PHLPP2: variants seen among roughly 807,000 people sequenced by gnomAD.
PHLPP2 encodes PH domain leucine-rich repeat-containing protein phosphatase 2.
PHLPP2 carries 66 observed loss-of-function variants against 124.9 expected under a neutral mutation model. The ratio of observed to expected loss-of-function variants is 0.53; its 90% CI spans 0.43 to 0.65. PHLPP2 has a LOEUF of 0.65. Among genes scored for constraint, PHLPP2 ranks in the 30% least tolerant of loss-of-function variants. The probability of loss-of-function intolerance (pLI) is 0.00; values close to 1 mark genes in which losing one functional copy is unlikely to be tolerated. For synonymous variants in PHLPP2, 681 were observed against 624.7 expected, an observed-to-expected ratio of 1.09 and a Z score of -1.34; for missense variants, 1,685 against 1,600.4, an observed-to-expected ratio of 1.05 and a Z score of -0.90.
rs1432420156 is a variant in PHLPP2 at position 71,649,481 on chromosome 16, C to A, written c.3381G>T (p.Gly1127=). The A allele has an allele frequency of 6.2e-7, 1 of 1,613,982 alleles. No individual in the cohort carries two copies. The highest frequency in any genetic ancestry group is 8.5e-7 in the Non-Finnish European group (1 of 1,180,030). ...CAGAAGAAGGCTGGCGCTGAAACAG[C>A]CCAGAGGTGGGTGTTGGGTGGAGGC... ...RCSLHPTPTS[G]LFQRQPSSAT... is the part of the protein sequence containing the mutation. Residue 1127 remains glycine, a synonymous_variant, in exon 19 of 19, where the codon GGG becomes GGT. Transcript: ENST00000568954.
At position 71,658,813 on chromosome 16, in the gene PHLPP2, T is replaced by G. The variant is rs2044763520; in HGVS notation, c.1988A>C (p.Lys663Thr). ...NNQLQTFPAS[K>T]LNKLEQLEEL... ...CTCCAATTGCTCCAATTTATTTAGT[T>G]TGCTGAAAAAGAAACAACAGAATAC... is the stretch of plus-strand genomic sequence containing the variant. Residue 663 changes from lysine (K) to threonine (T), a missense_variant and splice_region_variant, in exon 14 of 19, where the codon AAA becomes ACA. Physicochemically the swap from Lys to Thr is moderately conservative, Grantham distance 78. Transcript: ENST00000568954. 1 of 1,613,760 alleles carries G rather than the reference T, an allele frequency of 6.2e-7. No individual in the cohort carries two copies. The highest frequency in any genetic ancestry group is 1.1e-5 in the South Asian group (1 of 91,074).
chr16:71,709,801 T>C (rs2045311693), intron 2 of PHLPP2, among the ~76,000 whole-genome samples: 1 of 152,132 alleles, frequency 6.6e-6, no homozygotes, highest in South Asian at 2.1e-4. Flanking sequence ...GACAGGAAAA[T>C]CCTTGGCTGT....
intron 2 of PHLPP2, among the ~76,000 whole-genome samples, chr16:71,703,095 T>A (rs1168388168): frequency 6.6e-6 from 1 of 152,224 alleles, no homozygotes; most frequent in Non-Finnish European, 1.5e-5. Flanking sequence ...TCCATCCATG[T>A]TGCTACATTA....
chr16:71,685,788 A>C (rs1214934271), intron 4 of PHLPP2, among the ~76,000 whole-genome samples: 11 of 152,236 alleles, frequency 7.2e-5, no homozygotes, highest in African/African-American at 2.7e-4. Flanking sequence ...ATACTGAGAC[A>C]GATCTGTAAA....
chr16:71,648,858 A>T lies in PHLPP2; in HGVS notation c.*32T>A. ...GCAAGTCCCTACCCCAACCCTGCAC[A>T]GCCTCCTCCCACACTGTGCCCAGTG... On this transcript the variant is annotated 3_prime_UTR_variant, in exon 19 of 19. Transcript: ENST00000568954. The T allele has an allele frequency of 6.5e-7, 1 of 1,540,560 alleles. No individual in the cohort carries two copies. The highest frequency in any genetic ancestry group is 8.9e-7 in the Non-Finnish European group (1 of 1,118,768).
chr16:71,653,718 T>C (rs892089554), intron 17 of PHLPP2, among the ~76,000 whole-genome samples: 2 of 152,198 alleles, frequency 1.3e-5, no homozygotes, highest in Admixed American at 1.3e-4. Flanking sequence ...TTGCTACAAT[T>C]CCTGGCTTGA....
intron 2 of PHLPP2, among the ~76,000 whole-genome samples, chr16:71,705,110 A>G (rs1433835725): frequency 1.3e-5 from 2 of 152,208 alleles, no homozygotes; most frequent in African/African-American, 4.8e-5. Flanking sequence ...GCCTCTCAGA[A>G]CTGTTCAGAG....
intron 3 of PHLPP2, among the ~76,000 whole-genome samples, chr16:71,692,109 G>A (rs989616937): frequency 4.0e-5 from 6 of 151,498 alleles, no homozygotes; most frequent in African/African-American, 1.2e-4. Flanking sequence ...TTGCTCTGTC[G>A]CCCAGGTTGG....
At chr16:71,690,883 G>A (rs2045105054) in intron 3 of PHLPP2, among the ~76,000 whole-genome samples, 174 bp from the exon 4 acceptor site, 1 of 152,190 alleles carries the variant, frequency 6.6e-6, no homozygotes, top group Admixed American at 6.5e-5. Context: ...ATATACAGTA[G>A]GAGTACCTTT....
intron 9 of PHLPP2, among the ~76,000 whole-genome samples, chr16:71,674,874 G>A (rs1242849230): frequency 6.6e-6 from 1 of 152,152 alleles, no homozygotes; most frequent in Non-Finnish European, 1.5e-5. Flanking sequence ...GCACACTCCT[G>A]TAATCCCAGC....
chr16:71,684,889 T>G lies in PHLPP2; in HGVS notation c.610-288A>C, dbSNP rs369820291. Among the ~76,000 whole-genome samples, 73 of 152,182 alleles carry G rather than the reference T, an allele frequency of 4.8e-4. 3 individuals carry two copies. In the South Asian group the frequency reaches 0.014, roughly 29 times the overall value. On this transcript the variant is annotated intron_variant, in intron 4 of 18. Transcript: ENST00000568954. ...GTCAGGAAGCAGGATACCAGTCCACTATGTCCCCCTTACTGCACGGAACTC... is the reference window on the plus strand; with the variant it reads ...GTCAGGAAGCAGGATACCAGTCCACGATGTCCCCCTTACTGCACGGAACTC...
intron 2 of PHLPP2, among the ~76,000 whole-genome samples, chr16:71,707,553 A>G (rs560688943): frequency 6.6e-6 from 1 of 152,248 alleles, no homozygotes; most frequent in Non-Finnish European, 1.5e-5. Context: ...TCATGAGGTC[A>G]AAGATTCAAC....
chr16:71,701,265 CATCTATCT>C (rs61251526), intron 3 of PHLPP2, among the ~76,000 whole-genome samples: 54,224 of 149,724 alleles, frequency 0.36, 10,060 homozygotes, highest in East Asian at 0.46. Flanking sequence ...ATAACTAATT[CATCTATCT>C]ATCTATCTAT....
At chr16:71,658,914 G>T (rs971791319) in intron 13 of PHLPP2, 99 bp from the exon 14 acceptor site, 2 of 995,962 alleles carry the variant, frequency 2.0e-6, no homozygotes, top group Non-Finnish European at 3.0e-6. Context: ...AGGCCGACAC[G>T]GTCCACTGCC....
intron 10 of PHLPP2, among the ~76,000 whole-genome samples, chr16:71,669,817 T>A (rs921615894): frequency 6.6e-6 from 1 of 152,014 alleles, no homozygotes; most frequent in Admixed American, 6.6e-5. Flanking sequence ...AGATAACTAG[T>A]GGGGGAAAAG....
intron 3 of PHLPP2, among the ~76,000 whole-genome samples, chr16:71,694,670 A>T (rs1028494197): frequency 6.6e-6 from 1 of 152,222 alleles, no homozygotes; most frequent in African/African-American, 2.4e-5. Context: ...CATGTACAAA[A>T]ATATCAATGA....
At chr16:71,695,473 C>T (rs1385824524) in intron 3 of PHLPP2, among the ~76,000 whole-genome samples, 1 of 152,182 alleles carries the variant, frequency 6.6e-6, no homozygotes, top group African/African-American at 2.4e-5. Flanking sequence ...CTTTGGGAGG[C>T]CAAGGCCGTC....
At chr16:71,684,784 A>C (rs1423065831) in intron 4 of PHLPP2, 183 bp from the exon 5 acceptor site, 1 of 544,766 alleles carries the variant, frequency 1.8e-6, no homozygotes. Flanking sequence ...CAAGGAGTAC[A>C]CAATGATCCC....
chr16:71,683,672 A>G (rs2045025104), intron 5 of PHLPP2, among the ~76,000 whole-genome samples: 2 of 152,230 alleles, frequency 1.3e-5, no homozygotes, highest in African/African-American at 4.8e-5. Flanking sequence ...GCACATATAA[A>G]TAAGTTAAAG....
Sources: allele counts gnomAD v4.1 joint callset (sites outside exome capture counted in the v4.1 genomes callset), GRCh38; gene constraint gnomAD v4.1.1; transcripts MANE v1.5; gene names NCBI Gene and HGNC (gene_info 2026-07-23, HGNC 2026-07-21).